The following BCL7A variants were observed in gnomAD, a reference collection of about 807,000 sequenced individuals.
The protein encoded by BCL7A is B-cell CLL/lymphoma 7 protein family member A.
BCL7A carries 11 observed loss-of-function variants against 28.4 expected under a neutral mutation model. The ratio of observed to expected loss-of-function variants is 0.39; its 90% CI spans 0.24 to 0.64. BCL7A has a LOEUF of 0.64. Among genes scored for constraint, BCL7A ranks in the 30% least tolerant of loss-of-function variants. The probability of loss-of-function intolerance (pLI) is 0.50; values close to 1 mark genes in which losing one functional copy is unlikely to be tolerated. For missense variants in BCL7A, 222 were observed against 274.8 expected, an observed-to-expected ratio of 0.81 and a Z score of 1.36; for synonymous variants, 123 against 103.3, an observed-to-expected ratio of 1.19 and a Z score of -1.15.
intron 4 of BCL7A, among the ~76,000 whole-genome samples, chr12:122,054,569 A>G (rs1884268094): frequency 6.6e-6 from 1 of 152,256 alleles, no homozygotes; most frequent in South Asian, 2.1e-4. Context: ...TCAGCAGCTA[A>G]GTGTGCAGGA....
At chr12:122,030,869 C>T (rs929343149) in intron 2 of BCL7A, 88 bp downstream of exon 2, 19 of 1,354,936 alleles carry the variant, frequency 1.4e-5, no homozygotes, top group Middle Eastern at 4.2e-4. Flanking sequence ...TGCTACCCAC[C>T]GTGCTGGGGC....
At chr12:122,025,945 T>TC (rs1469523768) in intron 1 of BCL7A, among the ~76,000 whole-genome samples, 1 of 55,318 alleles carries the variant, frequency 1.8e-5, no homozygotes, top group Non-Finnish European at 3.2e-5. Flanking sequence ...AGACTCCATC[T>TC]CAAAAAAAAA....
chr12:122,044,646 G>A (rs1276273474), intron 4 of BCL7A, among the ~76,000 whole-genome samples: 1 of 152,058 alleles, frequency 6.6e-6, no homozygotes, highest in Non-Finnish European at 1.5e-5. Flanking sequence ...AGCATAGCAA[G>A]ACCCTGTCTC....
At chr12:122,050,273 A>T (rs564667891) in intron 4 of BCL7A, among the ~76,000 whole-genome samples, 3 of 146,266 alleles carry the variant, frequency 2.1e-5, no homozygotes, top group Non-Finnish European at 4.5e-5. Flanking sequence ...AGCCACCACA[A>T]CCAGTCTTGG....
chr12:122,030,629 C>A, intron 1 of BCL7A, 71 bp from the exon 2 acceptor site: 1 of 1,419,390 alleles, frequency 7.0e-7, no homozygotes. Flanking sequence ...CTCTCAGCCC[C>A]AAGGGAGTGT....
chr12:122,031,457 A>G (rs1300713974), intron 2 of BCL7A, among the ~76,000 whole-genome samples: 1 of 152,060 alleles, frequency 6.6e-6, no homozygotes, highest in Non-Finnish European at 1.5e-5. Context: ...GCCTCTGACC[A>G]TCTGCCAGGC....
intron 2 of BCL7A, among the ~76,000 whole-genome samples, chr12:122,032,292 T>C (rs529985637): frequency 1.3e-5 from 2 of 152,260 alleles, no homozygotes; most frequent in East Asian, 1.9e-4. Flanking sequence ...AGGGCTGCTT[T>C]CCCCAAAGGG....
At chr12:122,058,538 A>T (rs547572789) in intron 5 of BCL7A, among the ~76,000 whole-genome samples, 1 of 152,260 alleles carries the variant, frequency 6.6e-6, no homozygotes, top group Non-Finnish European at 1.5e-5. Flanking sequence ...GCGTGCCTGT[A>T]ATCACAGCTA....
chr12:122,057,534 G>T (rs28691281), intron 5 of BCL7A, among the ~76,000 whole-genome samples: 15 of 151,910 alleles, frequency 9.9e-5, no homozygotes, highest in Non-Finnish European at 1.9e-4. Context: ...CGGGTTGGAG[G>T]GGGGGTGCGG....
rs187286528 is a variant in BCL7A, at chr12:122,045,026, C to T, written c.439+973C>T. On this transcript the variant is annotated intron_variant, in intron 4 of 5. Transcript: ENST00000261822. ...GGCTCAAACTGGGCGACTGAGCAAG[C>T]CATGTGGGGATCTGGGAGGAGAGCA... is the stretch of plus-strand genomic sequence containing the variant. Among the ~76,000 whole-genome samples, 88 of 152,002 alleles carry T rather than the reference C, an allele frequency of 5.8e-4. No individual in the cohort carries two copies. The South Asian group carries it at 6.6e-3, about 11-fold the overall frequency.
intron 1 of BCL7A, among the ~76,000 whole-genome samples, chr12:122,023,015 T>C (rs1883506912): frequency 6.6e-6 from 1 of 152,108 alleles, no homozygotes; most frequent in Admixed American, 6.5e-5. Flanking sequence ...GCTGTTGTTT[T>C]TGTTCTCTGC....
At chr12:122,038,431 CAAAAAAAAAAAA>C (rs56376395) in intron 3 of BCL7A, among the ~76,000 whole-genome samples, 9 of 33,560 alleles carry the variant, frequency 2.7e-4, no homozygotes, top group South Asian at 1.1e-3. Flanking sequence ...GACTCTGCCT[CAAAAAAAAAAAA>C]AAAAAAAAAA....
intron 5 of BCL7A, among the ~76,000 whole-genome samples, chr12:122,057,458 G>A (rs1951886536): frequency 6.6e-6 from 1 of 152,178 alleles, no homozygotes; most frequent in African/African-American, 2.4e-5. Flanking sequence ...GGTTTCTATT[G>A]GAGGAAGGTT....
At chr12:122,054,716 C>T in intron 4 of BCL7A, 89 bp from the exon 5 acceptor site, 1 of 1,359,690 alleles carries the variant, frequency 7.4e-7, no homozygotes, top group Non-Finnish European at 1.0e-6. Flanking sequence ...CCAAAACTAC[C>T]CGATTCAAGG....
chr12:122,037,931 A>G (rs1449098267), intron 3 of BCL7A, among the ~76,000 whole-genome samples: 1 of 151,658 alleles, frequency 6.6e-6, no homozygotes, highest in African/African-American at 2.4e-5. Context: ...CCTGGGCAAC[A>G]AGAGTGAAAC....
intron 1 of BCL7A, among the ~76,000 whole-genome samples, chr12:122,023,809 G>A (rs1015864190): frequency 1.1e-4 from 17 of 152,182 alleles, no homozygotes; most frequent in Admixed American, 1.3e-4. Flanking sequence ...GGGATTCCCC[G>A]CGGGAAGCCC....
intron 3 of BCL7A, among the ~76,000 whole-genome samples, chr12:122,037,089 T>C (rs563366242): frequency 2.0e-5 from 3 of 152,336 alleles, no homozygotes; most frequent in South Asian, 4.1e-4. Context: ...AAATCAGATC[T>C]GGCAGCCCCG....
At chr12:122,043,827 C>T in intron 3 of BCL7A, 59 bp from the exon 4 acceptor site, 1 of 1,530,652 alleles carries the variant, frequency 6.5e-7, no homozygotes. Context: ...GCCCTCTGAC[C>T]TACCCGTCCT....
At chr12:122,026,931 C>G (rs537997845) in intron 1 of BCL7A, among the ~76,000 whole-genome samples, 2 of 152,184 alleles carry the variant, frequency 1.3e-5, no homozygotes, top group Non-Finnish European at 2.9e-5. Context: ...TGGGGAGGAG[C>G]AGTTGGGGCT....
Sources: allele counts gnomAD v4.1 joint callset (sites outside exome capture counted in the v4.1 genomes callset), GRCh38; gene constraint gnomAD v4.1.1; transcripts MANE v1.5; gene names NCBI Gene and HGNC (gene_info 2026-07-23, HGNC 2026-07-21).